Variants in RBPMS observed in about 807,000 individuals in gnomAD.
RBPMS encodes RNA binding protein, mRNA processing factor, also known as RNA-binding protein with multiple splicing.
Under a neutral mutation model 26.8 loss-of-function variants are expected in RBPMS, and 7 were observed. The ratio of observed to expected loss-of-function variants is 0.26; its 90% confidence interval spans 0.15 to 0.49. The LOEUF is 0.49. RBPMS is among the 20% of genes least tolerant of loss of function. The pLI is 0.98. For synonymous variants in RBPMS, 96 were observed against 93.3 expected (o/e 1.03, Z -0.17); for missense variants, 186 against 250.0 (o/e 0.74, Z 1.73).
chr8:30,491,037 G>T (rs1383745269), intron 4 of RBPMS, among the ~76,000 whole-genome samples: 1 of 152,066 alleles, frequency 6.6e-6, no homozygotes. Flanking sequence ...TGTGTTAGAG[G>T]TGTTTTAAAA....
rs112255471 is a variant in RBPMS, at chr8:30,496,443, C to T, written c.247-7843C>T. ...TTGGCCTCCCAAAGTGGTGGGATTA[C>T]AGGCGTGAGCCACCGTGCCCGGCCA... On this transcript the variant is annotated intron_variant, in intron 4 of 8. Transcript: ENST00000397323. Among the ~76,000 whole-genome samples, 588 of 152,258 alleles carry T rather than the reference C, an allele frequency of 3.9e-3. 2 individuals carry two copies. The highest frequency in any genetic ancestry group is 0.013 in the African/African-American group (542 of 41,552).
chr8:30,556,608 C>A, intron 6 of RBPMS: 1 of 986,390 alleles, frequency 1.0e-6, no homozygotes, highest in African/African-American at 1.7e-5. Context: ...CCACTGCGCT[C>A]CACACTGACC....
intron 4 of RBPMS, among the ~76,000 whole-genome samples, chr8:30,484,101 G>C (rs1163934585): frequency 6.6e-6 from 1 of 152,116 alleles, no homozygotes; most frequent in Non-Finnish European, 1.5e-5. Flanking sequence ...GTATACCTAG[G>C]AGTAGAATTT....
At chr8:30,462,888 C>T (rs1056210975) in intron 1 of RBPMS, among the ~76,000 whole-genome samples, 3 of 152,018 alleles carry the variant, frequency 2.0e-5, no homozygotes, top group Non-Finnish European at 2.9e-5. Flanking sequence ...TGAAATTTGC[C>T]CGCGGCCTTT....
chr8:30,387,454 A>G (rs1807244218), intron 1 of RBPMS: 1 of 152,186 alleles, frequency 6.6e-6, no homozygotes, highest in African/African-American at 2.4e-5. Context: ...GGTGAGTGCC[A>G]TTAATGTGCC....
At chr8:30,481,321 TC>T (rs1818248050) in intron 4 of RBPMS, among the ~76,000 whole-genome samples, 5 of 149,832 alleles carry the variant, frequency 3.3e-5, no homozygotes, top group African/African-American at 1.3e-4. Flanking sequence ...ATGATAATAG[TC>T]AAAAAAAACT....
chr8:30,390,035 T>G (rs1807604894), intron 1 of RBPMS, among the ~76,000 whole-genome samples: 1 of 152,206 alleles, frequency 6.6e-6, no homozygotes, highest in African/African-American at 2.4e-5. Flanking sequence ...TTTTAAAGTT[T>G]TATGCTATGT....
chr8:30,488,975 A>G (rs892475600), intron 4 of RBPMS, among the ~76,000 whole-genome samples: 1 of 152,106 alleles, frequency 6.6e-6, no homozygotes, highest in African/African-American at 2.4e-5. Context: ...TTTCCTTCCT[A>G]TGCTGTTGAT....
intron 4 of RBPMS, among the ~76,000 whole-genome samples, chr8:30,501,920 TC>T (rs1261634039): frequency 6.6e-6 from 1 of 152,204 alleles, no homozygotes; most frequent in Non-Finnish European, 1.5e-5. Context: ...TTCTGTGTTC[TC>T]CCTTTTCCTG....
intron 5 of RBPMS, among the ~76,000 whole-genome samples, chr8:30,539,050 A>G (rs1825108161): frequency 1.3e-5 from 2 of 152,216 alleles, no homozygotes; most frequent in Non-Finnish European, 2.9e-5. Context: ...CTTAACAGGC[A>G]TGGATCAGCT....
intron 5 of RBPMS, among the ~76,000 whole-genome samples, chr8:30,508,052 A>G (rs1350357015): frequency 6.6e-6 from 1 of 152,140 alleles, no homozygotes; most frequent in East Asian, 1.9e-4. Flanking sequence ...ATATTTGGAG[A>G]TAAGATTTTT....
At chr8:30,503,924 A>T (rs1012639916) in intron 4 of RBPMS, among the ~76,000 whole-genome samples, 1 of 152,148 alleles carries the variant, frequency 6.6e-6, no homozygotes, top group African/African-American at 2.4e-5. Flanking sequence ...ACTGAATATA[A>T]TCTATTTTAG....
intron 7 of RBPMS, among the ~76,000 whole-genome samples, chr8:30,563,116 A>G (rs931331698): frequency 2.6e-5 from 4 of 152,220 alleles, no homozygotes; most frequent in African/African-American, 9.6e-5. Context: ...AGGAGAGCCA[A>G]GCTGAGGGCA....
intron 1 of RBPMS, among the ~76,000 whole-genome samples, chr8:30,389,428 T>G (rs1294244133): frequency 1.3e-5 from 2 of 152,178 alleles, no homozygotes. Context: ...CGTAGGTTCA[T>G]GTTAATTTTT....
chr8:30,558,610 G>C (rs906665205), intron 6 of RBPMS: 2 of 543,840 alleles, frequency 3.7e-6, no homozygotes, highest in East Asian at 3.2e-5. Flanking sequence ...ACCTTTAAAA[G>C]GAGGATGAGA....
chr8:30,414,032 G>A (rs908419702), intron 1 of RBPMS, among the ~76,000 whole-genome samples: 2 of 152,080 alleles, frequency 1.3e-5, no homozygotes, highest in African/African-American at 4.8e-5. Context: ...GTGAGCCACC[G>A]TGCCCAGCCA....
chr8:30,513,537 G>A (rs1289883950), intron 5 of RBPMS, among the ~76,000 whole-genome samples: 3 of 137,916 alleles, frequency 2.2e-5, no homozygotes, highest in Non-Finnish European at 4.5e-5. Context: ...GCAGTGAGCC[G>A]AGATTTCACC....
At chr8:30,552,189 G>A (rs1214940657) in intron 6 of RBPMS, among the ~76,000 whole-genome samples, 1 of 152,000 alleles carries the variant, frequency 6.6e-6, no homozygotes, top group Non-Finnish European at 1.5e-5. Context: ...CGTCTGGTTG[G>A]GTCAGCTGGG....
At chr8:30,550,040 C>T (rs1394676496) in intron 6 of RBPMS, among the ~76,000 whole-genome samples, 4 of 151,828 alleles carry the variant, frequency 2.6e-5, no homozygotes, top group Admixed American at 6.6e-5. Context: ...TTAGTAGAGA[C>T]GGGGTTTCAC....
Sources: gnomAD v4.1 joint callset for allele counts (sites outside exome capture counted in the v4.1 genomes callset) on GRCh38, gnomAD v4.1.1 for gene constraint, MANE v1.5 for transcripts, NCBI Gene and HGNC (gene_info 2026-07-23, HGNC 2026-07-21) for gene names.